The following RORA variants were observed in gnomAD, a reference collection of about 807,000 sequenced individuals.
RORA encodes the protein nuclear receptor ROR-alpha.
A neutral mutation model predicts 69.5 loss-of-function variants in RORA; 7 were observed. The ratio of observed to expected loss-of-function variants is 0.10; its 90% CI spans 0.06 to 0.19. RORA has a LOEUF of 0.19. RORA is among the 10% of genes least tolerant of loss of function. The pLI is 1.00. For synonymous variants in RORA, 261 were observed against 240.8 expected, an observed-to-expected ratio of 1.08 and a Z score of -0.78; for missense variants, 457 against 663.0, an observed-to-expected ratio of 0.69 and a Z score of 3.41.
At chr15:61,088,879 A>C (rs893286) in intron 1 of RORA, among the ~76,000 whole-genome samples, 20,748 of 152,222 alleles carry the variant, frequency 0.14, 1,760 homozygotes, top group East Asian at 0.27. Context: ...CAAACCTCTA[A>C]AATCTCCCAA....
intron 1 of RORA, among the ~76,000 whole-genome samples, chr15:60,930,499 C>T (rs376569009): frequency 1.2e-4 from 18 of 152,180 alleles, no homozygotes; most frequent in African/African-American, 3.4e-4. Flanking sequence ...CACCAGGTGG[C>T]CCACTATGAA....
In RORA at chr15:60,534,219, T is replaced by C. The variant is rs2066612181; in HGVS notation, c.197-2368A>G. Among the ~76,000 whole-genome samples, 1 of 152,152 alleles carries C rather than the reference T, an allele frequency of 6.6e-6. No homozygotes were observed. The highest frequency in any genetic ancestry group is 2.4e-5 in the African/African-American group (1 of 41,434). The stretch of plus-strand genomic sequence containing the variant: ...AGGTCTGCTCATGATGGGGGTGGCC[T>C]TGGGAGTACTATACTGGCCCCAGCA... On this transcript the variant is annotated intron_variant, in intron 2 of 10. Transcript: ENST00000335670. The surrounding 1 kb of genome is among the most constrained non-coding windows in gnomAD (Gnocchi z 5.0).
intron 1 of RORA, among the ~76,000 whole-genome samples, chr15:61,026,888 G>C (rs567639194): frequency 1.3e-5 from 2 of 151,958 alleles, no homozygotes; most frequent in Non-Finnish European, 2.9e-5. Flanking sequence ...CATAAAATAC[G>C]TTGTATTTTC....
chr15:60,861,695 T>C (rs546794891), intron 1 of RORA, among the ~76,000 whole-genome samples: 8 of 152,322 alleles, frequency 5.3e-5, no homozygotes, highest in Admixed American at 2.0e-4. Flanking sequence ...CTTTAAAAAT[T>C]CCAAGGAACG....
At chr15:60,749,793 C>T (rs2071698055) in intron 1 of RORA, among the ~76,000 whole-genome samples, 1 of 152,034 alleles carries the variant, frequency 6.6e-6, no homozygotes, top group African/African-American at 2.4e-5. Context: ...TTTGGAAGGC[C>T]GAGGCAGGAG....
intron 2 of RORA, chr15:60,592,476 TGCCGCCGCCGCGCC>T: frequency 7.4e-7 from 1 of 1,354,066 alleles, no homozygotes; most frequent in South Asian, 1.8e-5. Flanking sequence ...GAGCCCCCTC[TGCCGCCGCCGCGCC>T]GCCGCCGCCC....
At chr15:60,742,337 C>T (rs2071585259) in intron 1 of RORA, among the ~76,000 whole-genome samples, 1 of 151,950 alleles carries the variant, frequency 6.6e-6, no homozygotes, top group Non-Finnish European at 1.5e-5. Context: ...TCACACAAAC[C>T]CCACTACACA....
At chr15:60,839,414 T>C (rs1019429539) in intron 1 of RORA, among the ~76,000 whole-genome samples, 1 of 152,194 alleles carries the variant, frequency 6.6e-6, no homozygotes, top group Non-Finnish European at 1.5e-5. Flanking sequence ...TAAAAATAAA[T>C]GCATTACTTT....
At chr15:60,908,240 T>G (rs1891601391) in intron 1 of RORA, among the ~76,000 whole-genome samples, 1 of 152,230 alleles carries the variant, frequency 6.6e-6, no homozygotes, top group South Asian at 2.1e-4. Flanking sequence ...GACCGTAGGG[T>G]GTGTGTGGAG....
chr15:60,958,297 A>G (rs1219840930), intron 1 of RORA, among the ~76,000 whole-genome samples: 9 of 152,350 alleles, frequency 5.9e-5, no homozygotes, highest in South Asian at 2.1e-4. Context: ...ATTCCATTTC[A>G]TCTTGATAAG....
intron 1 of RORA, among the ~76,000 whole-genome samples, chr15:60,898,693 A>T (rs1030001183): frequency 1.3e-5 from 2 of 151,972 alleles, no homozygotes; most frequent in Non-Finnish European, 2.9e-5. Flanking sequence ...TGATACTCTA[A>T]CTCTTAAAAA....
intron 1 of RORA, among the ~76,000 whole-genome samples, chr15:60,754,025 T>C (rs939062294): frequency 6.6e-6 from 1 of 152,222 alleles, no homozygotes; most frequent in African/African-American, 2.4e-5. Context: ...TCACTTGCTC[T>C]TCTTCCTCAA....
At chr15:60,880,104 A>G (rs1048798295) in intron 1 of RORA, among the ~76,000 whole-genome samples, 5 of 152,224 alleles carry the variant, frequency 3.3e-5, no homozygotes, top group African/African-American at 1.2e-4. Context: ...CCTCCCTCAG[A>G]GGCTGAAATT....
chr15:61,030,521 G>A (rs1254679553), intron 1 of RORA, among the ~76,000 whole-genome samples: 3 of 152,196 alleles, frequency 2.0e-5, no homozygotes, highest in African/African-American at 7.2e-5. Context: ...AGAAGAGAAG[G>A]AATAATCCAT....
intron 1 of RORA, among the ~76,000 whole-genome samples, chr15:60,919,317 T>G (rs1891971144): frequency 1.3e-5 from 2 of 152,128 alleles, no homozygotes; most frequent in African/African-American, 4.8e-5. Flanking sequence ...CCTCGTTTAA[T>G]AGAGGAGAAG....
At chr15:61,199,483 G>A (rs1342227071) in intron 1 of RORA, among the ~76,000 whole-genome samples, 4 of 152,140 alleles carry the variant, frequency 2.6e-5, no homozygotes, top group Non-Finnish European at 4.4e-5. Context: ...AGCAGGGAAA[G>A]AAAGAAAAAT....
At position 60,494,465 on chromosome 15, in the gene RORA, T is replaced by A. The variant is rs1595855831; in HGVS notation, c.*2990A>T. 6.6e-6 allele frequency: 1 copy of A among 152,236 alleles called. No homozygotes were observed. Among genetic ancestry groups the A allele is most frequent in the African/African-American group, 2.4e-5 (1 of 41,460 alleles). The allele number at this position is 152,236 out of a possible 1,614,324, so 9.4% of individuals were successfully genotyped here. ...AGGAAACTTTAATTATAAAAACTATTAAGGATAATTGTTCTGATATCACCC... is the reference window on the plus strand; with the variant it reads ...AGGAAACTTTAATTATAAAAACTATAAAGGATAATTGTTCTGATATCACCC... On this transcript the variant is annotated 3_prime_UTR_variant, in exon 11 of 11. Coordinates refer to ENST00000335670, the MANE Select transcript of RORA (RefSeq NM_134261.3).
intron 1 of RORA, among the ~76,000 whole-genome samples, chr15:60,896,862 A>G (rs1248447608): frequency 1.3e-5 from 2 of 151,932 alleles, no homozygotes; most frequent in Non-Finnish European, 2.9e-5. Flanking sequence ...AACCTCTAAG[A>G]GGCTCAGCTC....
intron 1 of RORA, among the ~76,000 whole-genome samples, chr15:61,080,722 T>C (rs2078526781): frequency 6.6e-6 from 1 of 152,188 alleles, no homozygotes; most frequent in South Asian, 2.1e-4. Context: ...AGCTGGCTCT[T>C]TCTTAATAAG....
Sources: gnomAD v4.1 joint callset for allele counts (sites outside exome capture counted in the v4.1 genomes callset) on GRCh38, gnomAD v4.1.1 for gene constraint, Gnocchi (gnomAD v3.1) non-coding constraint, MANE v1.5 for transcripts, NCBI Gene and HGNC (gene_info 2026-07-23, HGNC 2026-07-21) for gene names.